Variants in PACS1 observed in about 807,000 individuals in gnomAD.
PACS1 encodes phosphofurin acidic cluster sorting protein 1.
A neutral mutation model predicts 115.0 loss-of-function variants in PACS1; 24 were observed. The observed-to-expected ratio is 0.21, with a 90% CI of 0.15 to 0.29. The LOEUF is 0.29. Ranked by LOEUF, PACS1 falls within the 10% of genes least tolerant of loss-of-function variation. PACS1 has a pLI of 1.00. For synonymous variants in PACS1, 453 were observed against 504.5 expected (o/e 0.90, Z 1.37); for missense variants, 838 against 1,251.2 (o/e 0.67, Z 4.98).
chr11:66,242,243 C>T (rs1410087840), intron 22 of PACS1, among the ~76,000 whole-genome samples: 5 of 152,210 alleles, frequency 3.3e-5, no homozygotes, highest in Non-Finnish European at 5.9e-5. Context: ...CCGTTGGTGC[C>T]AGCTGGGGAC....
intron 1 of PACS1, among the ~76,000 whole-genome samples, chr11:66,073,280 G>A (rs1441154492): frequency 2.6e-5 from 4 of 152,218 alleles, no homozygotes; most frequent in African/African-American, 9.7e-5. Context: ...TCTCCTGGGT[G>A]TCCTTGTTCA....
chr11:66,175,469 TTCTG>T (rs1195794209), intron 1 of PACS1, among the ~76,000 whole-genome samples: 51 of 152,272 alleles, frequency 3.3e-4, no homozygotes, highest in African/African-American at 1.1e-3. Flanking sequence ...CCCTCACCTG[TTCTG>T]TCTATTTCCT....
rs776506375 is a variant in PACS1 at position 66,193,511 on chromosome 11, CTCG to C, written c.385_387del (p.Val129del). ...GCTATTCAGCTTGACCCTGAAGAAA[CTCG>C]TCATGCTAAAAGAAATGGACAAAGA... On this transcript the variant is annotated inframe_deletion, in exon 2 of 24. Coordinates refer to ENST00000320580, the MANE Select transcript of PACS1 (RefSeq NM_018026.4). 6.2e-7 allele frequency: 1 copy of C among 1,613,422 alleles called. No individual in the cohort carries two copies. Among genetic ancestry groups the C allele is most frequent in the South Asian group, 1.1e-5 (1 of 91,066 alleles).
chr11:66,132,681 C>T (rs7941469), intron 1 of PACS1, among the ~76,000 whole-genome samples: 41,134 of 151,858 alleles, frequency 0.27, 6,513 homozygotes, highest in East Asian at 0.45. Context: ...TAGGTACATA[C>T]TTCTTGAGAT....
chr11:66,165,205 A>T (rs1313037966), intron 1 of PACS1, among the ~76,000 whole-genome samples: 1 of 151,680 alleles, frequency 6.6e-6, no homozygotes, highest in Non-Finnish European at 1.5e-5. Context: ...AGCTTATTCC[A>T]CTCTTCGGCA....
chr11:66,133,069 C>G (rs1000684862), intron 1 of PACS1, among the ~76,000 whole-genome samples: 1 of 152,176 alleles, frequency 6.6e-6, no homozygotes, highest in Non-Finnish European at 1.5e-5. Flanking sequence ...GCCAAAAACC[C>G]CGGAGTCATC....
intron 1 of PACS1, among the ~76,000 whole-genome samples, chr11:66,139,773 C>T (rs536876877): frequency 6.6e-6 from 1 of 152,262 alleles, no homozygotes; most frequent in South Asian, 2.1e-4. Context: ...CACTTGCTTT[C>T]AAATCTTGCC....
At chr11:66,157,847 G>GA (rs35418819) in intron 1 of PACS1, among the ~76,000 whole-genome samples, 62,952 of 147,532 alleles carry the variant, frequency 0.43, 13,608 homozygotes, top group Non-Finnish European at 0.48. Flanking sequence ...TAGCCTATGG[G>GA]AAAAAAAAAA....
chr11:66,188,676 G>A (rs975960199), intron 1 of PACS1, among the ~76,000 whole-genome samples: 3 of 152,180 alleles, frequency 2.0e-5, no homozygotes, highest in Non-Finnish European at 4.4e-5. Context: ...CAGGGTAGCA[G>A]GAAACCTGGG....
intron 1 of PACS1, among the ~76,000 whole-genome samples, chr11:66,151,188 A>C (rs999044327): frequency 2.6e-5 from 4 of 151,772 alleles, no homozygotes; most frequent in Non-Finnish European, 4.4e-5. Context: ...CCAACCAATG[A>C]AACAAAGCAA....
rs1001183609 is a variant in PACS1, at chr11:66,236,007, AG to A, written c.2250+69del. ...CTGGTCTTCCTGTTCCCCCTTACAC[AG>A]GAAAACAAAAGATTCATCTAGAACA... On this transcript the variant is annotated intron_variant, in intron 19 of 23. Transcript: ENST00000320580. The surrounding 1 kb of genome is among the most constrained non-coding windows in gnomAD (Gnocchi z 4.2). 1 of 1,414,064 alleles carries A rather than the reference AG, an allele frequency of 7.1e-7. No individual in the cohort carries two copies. Among genetic ancestry groups the A allele is most frequent in the African/African-American group, 1.4e-5 (1 of 70,946 alleles). The allele number at this position is 1,414,064 out of a possible 1,614,324, so 87.6% of individuals were successfully genotyped here. A position where few individuals can be genotyped will look rare whatever the true frequency, so the allele number is the denominator to read the frequency against.
chr11:66,186,451 C>T (rs927310031), intron 1 of PACS1, among the ~76,000 whole-genome samples: 6 of 152,174 alleles, frequency 3.9e-5, no homozygotes, highest in Non-Finnish European at 4.4e-5. Flanking sequence ...CCACCCTGGC[C>T]ACCTAACTCA....
intron 11 of PACS1, among the ~76,000 whole-genome samples, chr11:66,229,883 T>G (rs1590836128): frequency 2.0e-5 from 3 of 149,924 alleles, no homozygotes; most frequent in Admixed American, 6.6e-5. Flanking sequence ...GAGGCGGAGG[T>G]TGCGGTGAGC....
chr11:66,116,756 GGTGT>G (rs1254663461), intron 1 of PACS1, among the ~76,000 whole-genome samples: 1 of 151,978 alleles, frequency 6.6e-6, no homozygotes. Flanking sequence ...CAGGCGTGGT[GGTGT>G]GTGTCTGTGG....
Position 66,235,940 on chromosome 11 carries a change from C to T in PACS1, c.2250C>T (p.Gly750=), listed in dbSNP as rs773779488. Residue 750 remains glycine (G), a splice_region_variant and synonymous_variant, in exon 19 of 24, where the codon GGC becomes GGT. Coordinates refer to ENST00000320580, the MANE Select transcript of PACS1 (RefSeq NM_018026.4). This position sits in a 1 kb window ranked among gnomAD's most constrained non-coding sequence, Gnocchi z 5.6. ...DSYQKFIPFI[G]VVKVGLVEDS... is the part of the protein sequence containing the mutation. ...ATCAGAAGTTTATTCCCTTCATTGG[C>T]GTGAGTACTGACTCCCTCTGCTTGG... is the stretch of plus-strand genomic sequence containing the variant. 3.7e-6 allele frequency: 6 copies of T among 1,613,280 alleles called. No individual in the cohort carries two copies. Among genetic ancestry groups the T allele is most frequent in the Non-Finnish European group, 5.1e-6 (6 of 1,179,342 alleles).
intron 1 of PACS1, among the ~76,000 whole-genome samples, chr11:66,072,586 G>A (rs1252768561): frequency 1.9e-4 from 29 of 152,124 alleles, no homozygotes; most frequent in Admixed American, 1.9e-3. Context: ...GTTTGCTGTG[G>A]CCAGATCCAT....
chr11:66,156,853 GA>G (rs35580702), intron 1 of PACS1, among the ~76,000 whole-genome samples: 41,604 of 138,406 alleles, frequency 0.3, 6,266 homozygotes, highest in Non-Finnish European at 0.37. Context: ...ACTCTGTCTC[GA>G]AAAAAAAAAA....
chr11:66,203,840 T>C (rs376171807), intron 2 of PACS1, among the ~76,000 whole-genome samples: 2 of 149,692 alleles, frequency 1.3e-5, no homozygotes, highest in African/African-American at 4.9e-5. Context: ...TCTCACTATA[T>C]ACAAAAATCA....
intron 1 of PACS1, among the ~76,000 whole-genome samples, chr11:66,133,097 C>T (rs1250676152): frequency 6.6e-6 from 1 of 152,282 alleles, no homozygotes; most frequent in Non-Finnish European, 1.5e-5. Context: ...CTTTTTCATG[C>T]TCTGTGTGTG....
Sources: gnomAD v4.1 joint callset for allele counts (sites outside exome capture counted in the v4.1 genomes callset) on GRCh38, gnomAD v4.1.1 for gene constraint, Gnocchi (gnomAD v3.1) non-coding constraint, MANE v1.5 for transcripts, NCBI Gene and HGNC (gene_info 2026-07-23, HGNC 2026-07-21) for gene names.